The following CHRM5 variants were observed in gnomAD, a reference collection of about 807,000 sequenced individuals.
CHRM5 encodes muscarinic acetylcholine receptor M5.
CHRM5 carries 18 observed loss-of-function variants against 39.0 expected under a neutral mutation model. That is an observed-to-expected ratio of 0.46 (90% CI 0.32 to 0.68). The LOEUF is 0.68. Among genes scored for constraint, CHRM5 ranks in the 30% least tolerant of loss-of-function variants. The pLI, the probability that CHRM5 is intolerant of heterozygous loss-of-function variation, is 0.04. For missense variants in CHRM5, 515 were observed against 651.1 expected (o/e 0.79, Z 2.28); for synonymous variants, 241 against 246.3 (o/e 0.98, Z 0.20).
At chr15:34,051,195 C>T (rs1899914504) in intron 2 of CHRM5, among the ~76,000 whole-genome samples, 1 of 152,206 alleles carries the variant, frequency 6.6e-6, no homozygotes, top group South Asian at 2.1e-4. Flanking sequence ...AAGAAATTCA[C>T]TCACAACCAC....
At chr15:34,039,003 G>GGCCGCCGCCCACGGCCTC (rs1597380021) in intron 1 of CHRM5, 4 of 1,121,162 alleles carry the variant, frequency 3.6e-6, no homozygotes, top group East Asian at 1.1e-4. Context: ...GCCGCGGCCT[G>GGCCGCCGCCCACGGCCTC]GCCGCCGCCC....
At chr15:34,018,499 A>C (rs200015618) in intron 1 of CHRM5, 1 of 151,858 alleles carries the variant, frequency 6.6e-6, no homozygotes, top group African/African-American at 2.4e-5. Context: ...TAGTGCGTCC[A>C]GAGTTGTTTG....
intron 1 of CHRM5, among the ~76,000 whole-genome samples, chr15:34,031,497 T>C (rs1271880154): frequency 1.3e-5 from 2 of 152,192 alleles, no homozygotes; most frequent in African/African-American, 4.8e-5. Context: ...TATTAAAATG[T>C]TTGCTATCCC....
intron 1 of CHRM5, among the ~76,000 whole-genome samples, chr15:33,986,331 G>A (rs1280049261): frequency 7.9e-5 from 12 of 151,828 alleles, no homozygotes; most frequent in African/African-American, 2.7e-4. Flanking sequence ...GGATGGTCTC[G>A]ATCTCCTGAC....
chr15:34,060,253 G>GA (rs1482799552), intron 2 of CHRM5, among the ~76,000 whole-genome samples: 2 of 152,184 alleles, frequency 1.3e-5, no homozygotes, highest in Non-Finnish European at 2.9e-5. Flanking sequence ...CAGGAATGGA[G>GA]AGGGACCAAA....
chr15:34,017,484 G>GGTTT (rs536867064), intron 1 of CHRM5, among the ~76,000 whole-genome samples: 3 of 107,344 alleles, frequency 2.8e-5, no homozygotes, highest in African/African-American at 6.3e-5. Context: ...TTTTTTTTTT[G>GGTTT]TTTTTTTTTT....
chr15:34,016,853 G>A (rs1005631802), intron 1 of CHRM5, among the ~76,000 whole-genome samples: 1 of 152,116 alleles, frequency 6.6e-6, no homozygotes, highest in African/African-American at 2.4e-5. Context: ...CAACACCCAC[G>A]TGTGGTGGCA....
In CHRM5 at chr15:34,063,077, C is replaced by A; in HGVS notation, c.360C>A (p.Asn120Lys). 6.2e-7 allele frequency: 1 copy of A among 1,614,154 alleles called. No individual in the cohort carries two copies. Among genetic ancestry groups the A allele is most frequent in the Non-Finnish European group, 8.5e-7 (1 of 1,180,042 alleles). Residue 120 changes from asparagine to lysine, a missense_variant, in exon 3 of 3, where the codon AAC becomes AAA. Physicochemically the swap from Asn to Lys is moderately conservative, Grantham distance 94. Coordinates refer to ENST00000383263, the MANE Select transcript of CHRM5 (RefSeq NM_012125.4). This position sits in a 1 kb window ranked among gnomAD's most constrained non-coding sequence, Gnocchi z 4.1. ...DYVASNASVM[N>K]LLVISFDRYF... The stretch of plus-strand genomic sequence containing the variant: ...TGGCCAGCAACGCTTCTGTCATGAA[C>A]CTTCTGGTGATCAGTTTTGACCGTT...
rs1171463772 is a variant in CHRM5 at position 34,014,367 on chromosome 15, T to TAAAAAAAAA, written c.-407-32164_-407-32156dup. On this transcript the variant is annotated intron_variant, in intron 1 of 2. Coordinates refer to ENST00000383263, the MANE Select transcript of CHRM5 (RefSeq NM_012125.4). ...CAACAAGAGCGAAACTCCATCTCAT[T>TAAAAAAAAA]AAAAAAAAAAAAAAAAACAAAAACA... Among the ~76,000 whole-genome samples the TAAAAAAAAA allele has an allele frequency of 1.5e-3, 21 of 13,562 alleles. 5 individuals are homozygous for TAAAAAAAAA. The highest frequency in any genetic ancestry group is 3.6e-3 in the African/African-American group (21 of 5,846). 8.9% of individuals were successfully genotyped at this position (13,562 alleles called of 152,430 possible). A position where few individuals can be genotyped will look rare whatever the true frequency, so the allele number is the denominator to read the frequency against.
intron 1 of CHRM5, among the ~76,000 whole-genome samples, chr15:34,026,673 A>C (rs892909713): frequency 2.6e-5 from 4 of 152,026 alleles, no homozygotes; most frequent in Admixed American, 6.6e-5. Context: ...AGAGGAAAAA[A>C]AATGATAGAC....
intron 2 of CHRM5, among the ~76,000 whole-genome samples, chr15:34,056,965 AGAGGTT>A (rs986268605): frequency 2.6e-5 from 4 of 152,060 alleles, no homozygotes; most frequent in Non-Finnish European, 5.9e-5. Context: ...CTTGAGCCCA[AGAGGTT>A]GAGGTTGCAG....
intron 1 of CHRM5, chr15:34,038,771 G>A: frequency 8.6e-7 from 1 of 1,168,364 alleles, no homozygotes; most frequent in Admixed American, 4.7e-5. Context: ...ACCAGCCGTC[G>A]CCTCTTACCG....
rs371858501 is a variant in CHRM5 at position 34,014,419 on chromosome 15, G to A, written c.-407-32121G>A. 8.1e-5 allele frequency among the ~76,000 whole-genome samples: 11 copies of A among 135,870 alleles called. 1 individual carries two copies. The highest frequency in any genetic ancestry group is 7.9e-4 in the Admixed American group (10 of 12,718). 89.1% of individuals were successfully genotyped at this position (135,870 alleles called of 152,430 possible). A position where few individuals can be genotyped will look rare whatever the true frequency, so the allele number is the denominator to read the frequency against. On this transcript the variant is annotated intron_variant, in intron 1 of 2. Coordinates refer to ENST00000383263, the MANE Select transcript of CHRM5 (RefSeq NM_012125.4). ...AAACCACGTTTGAGGATTCTGGGAA[G>A]ATGGCAGCAGCAGCAGTATGGTTTT...
chr15:34,057,051 C>T (rs879532465), intron 2 of CHRM5, among the ~76,000 whole-genome samples: 1 of 152,006 alleles, frequency 6.6e-6, no homozygotes, highest in Non-Finnish European at 1.5e-5. Flanking sequence ...AGTTTGTGGT[C>T]GTGAAAATAT....
rs141391385 is a variant in CHRM5, at chr15:34,003,195, G to A, written c.-408+34045G>A. On this transcript the variant is annotated intron_variant, in intron 1 of 2. Transcript: ENST00000383263. The stretch of plus-strand genomic sequence containing the variant: ...TCTCTTCTCCATAGGTCTCTGCATC[G>A]CTGTCATCTTCAACCTGCAATCATT... The A allele has an allele frequency of 5.8e-4, 935 of 1,612,978 alleles. 6 individuals are homozygous for A. The African/African-American group carries it at 0.011, about 18-fold the overall frequency.
At position 34,062,967 on chromosome 15, in the gene CHRM5, A is replaced by T; in HGVS notation, c.250A>T (p.Met84Leu). ...CADLIIGIFS[M>L]NLYTTYILMG... ...AGATCTCATCATTGGAATCTTCTCC[A>T]TGAACCTCTACACCACCTACATCCT... Residue 84 changes from methionine (M) to leucine (L), a missense_variant, in exon 3 of 3, where the codon ATG becomes TTG. By Grantham distance (15) the Met-to-Leu change is conservative. Coordinates refer to ENST00000383263, the MANE Select transcript of CHRM5 (RefSeq NM_012125.4). The T allele has an allele frequency of 6.2e-7, 1 of 1,614,126 alleles. No homozygotes were observed. Among genetic ancestry groups the T allele is most frequent in the Non-Finnish European group, 8.5e-7 (1 of 1,180,000 alleles).
chr15:34,008,776 C>A (rs1897491267), intron 1 of CHRM5, among the ~76,000 whole-genome samples: 1 of 152,068 alleles, frequency 6.6e-6, no homozygotes, highest in Non-Finnish European at 1.5e-5. Flanking sequence ...GCGTGAGCCA[C>A]CGTGCCTAGC....
intron 2 of CHRM5, among the ~76,000 whole-genome samples, chr15:34,053,319 A>AAATATATAT (rs775436850): frequency 4.8e-5 from 2 of 42,068 alleles, no homozygotes; most frequent in African/African-American, 8.0e-5. Context: ...AAAAAAAAAA[A>AAATATATAT]ATATATATAT....
chr15:34,063,405 C>A lies in CHRM5; in HGVS notation c.688C>A (p.Leu230Ile). The change falls in exon 3 of 3, where the codon CTC (leucine) becomes ATC (isoleucine). Residue 230 changes from leucine to isoleucine, a missense_variant. Leu to Ile is a conservative substitution (Grantham distance 5, BLOSUM62 2). Coordinates refer to ENST00000383263, the MANE Select transcript of CHRM5 (RefSeq NM_012125.4). This position sits in a 1 kb window ranked among gnomAD's most constrained non-coding sequence, Gnocchi z 4.1. The part of the protein sequence containing the change: ...TEKRTKDLAD[L>I]QGSDSVTKAE... ...GAAGCGAACCAAGGACCTGGCTGACCTCCAGGGTTCTGACTCTGTGACCAA... is the reference window on the plus strand; with the variant it reads ...GAAGCGAACCAAGGACCTGGCTGACATCCAGGGTTCTGACTCTGTGACCAA... 1 of 1,614,046 alleles carries A rather than the reference C, an allele frequency of 6.2e-7. No individual in the cohort carries two copies. The highest frequency in any genetic ancestry group is 8.5e-7 in the Non-Finnish European group (1 of 1,180,052).
Sources: allele counts gnomAD v4.1 joint callset (sites outside exome capture counted in the v4.1 genomes callset), GRCh38; gene constraint gnomAD v4.1.1; non-coding constraint Gnocchi (gnomAD v3.1); transcripts MANE v1.5; gene names NCBI Gene and HGNC (gene_info 2026-07-23, HGNC 2026-07-21).